GABRB2: variants seen among roughly 807,000 people sequenced by gnomAD.
The protein encoded by GABRB2 is gamma-aminobutyric acid type A receptor subunit beta2.
Under a neutral mutation model 54.7 loss-of-function variants are expected in GABRB2, and 16 were observed. That is an observed-to-expected ratio of 0.29 (90% CI 0.20 to 0.44). The LOEUF (loss-of-function observed/expected upper bound fraction) is 0.44, where lower values mean the gene tolerates loss of function less well. Ranked by LOEUF, GABRB2 falls within the 20% of genes least tolerant of loss-of-function variation. The probability of loss-of-function intolerance (pLI) is 1.00; values close to 1 mark genes in which losing one functional copy is unlikely to be tolerated. For missense variants in GABRB2, 355 were observed against 644.0 expected, an observed-to-expected ratio of 0.55 and a Z score of 4.86; for synonymous variants, 244 against 233.8, an observed-to-expected ratio of 1.04 and a Z score of -0.40.
rs577008699 is a variant in GABRB2 at position 161,504,348 on chromosome 5, G to A, written c.237+40879C>T. 3.0e-3 allele frequency among the ~76,000 whole-genome samples: 451 copies of A among 152,232 alleles called. 3 individuals carry two copies. The highest frequency in any genetic ancestry group is 5.0e-3 in the Non-Finnish European group (342 of 67,986). ...TTTATGAAAACTAATGTCATTTACT[G>A]TATGTTCTATGACAACAACAGAATC... is the stretch of plus-strand genomic sequence containing the variant. On this transcript the variant is annotated intron_variant, in intron 3 of 9. Transcript: ENST00000393959.
At chr5:161,504,544 C>T (rs942101470) in intron 3 of GABRB2, among the ~76,000 whole-genome samples, 12 of 151,594 alleles carry the variant, frequency 7.9e-5, no homozygotes, top group African/African-American at 2.9e-4. Context: ...TGAAGCACAG[C>T]CAAAAAACTG....
chr5:161,546,036 T>C lies in GABRB2; in HGVS notation c.169+286A>G, dbSNP rs1419875604. ...ATTAACTAAACTTAAGAGGTTTGTG[T>C]CTCAACAAAGCAAAGGCAGGGAAGC... is the stretch of plus-strand genomic sequence containing the variant. On this transcript the variant is annotated intron_variant, in intron 2 of 9. Transcript: ENST00000393959. 2.0e-5 allele frequency among the ~76,000 whole-genome samples: 3 copies of C among 152,184 alleles called. No homozygotes were observed. The South Asian group carries it at 6.2e-4, about 31-fold the overall frequency.
intron 6 of GABRB2, among the ~76,000 whole-genome samples, chr5:161,335,224 G>T (rs1288924380): frequency 6.6e-6 from 1 of 151,914 alleles, no homozygotes; most frequent in Admixed American, 6.6e-5. Context: ...TCTTTCAATT[G>T]TTCCTTAGTA....
intron 5 of GABRB2, among the ~76,000 whole-genome samples, chr5:161,387,409 C>G (rs1055456441): frequency 6.6e-6 from 1 of 152,150 alleles, no homozygotes; most frequent in Admixed American, 6.6e-5. Context: ...CTCTAGTCTT[C>G]TCTGCTGAGA....
chr5:161,378,831 G>A (rs988495588), intron 5 of GABRB2, among the ~76,000 whole-genome samples: 5 of 152,164 alleles, frequency 3.3e-5, no homozygotes, highest in Admixed American at 1.3e-4. Flanking sequence ...AAAAGTGAGA[G>A]CTATTAAAAT....
rs73797591 is a variant in GABRB2 at position 161,373,820 on chromosome 5, A to C, written c.542-37051T>G. Among the ~76,000 whole-genome samples, 667 of 152,276 alleles carry C rather than the reference A, an allele frequency of 4.4e-3. 8 individuals are homozygous for C. Among genetic ancestry groups the C allele is most frequent in the African/African-American group, 0.014 (592 of 41,568 alleles). ...CTTTTCAGAGCACAGCAAAGTCTTT[A>C]TTCTCTAAACCACAGTGCTTCAAGT... On this transcript the variant is annotated intron_variant, in intron 5 of 9. Coordinates refer to ENST00000393959, the MANE Select transcript of GABRB2 (RefSeq NM_001371727.1).
chr5:161,429,489 G>T (rs1757114351), intron 4 of GABRB2, among the ~76,000 whole-genome samples: 1 of 152,024 alleles, frequency 6.6e-6, no homozygotes, highest in African/African-American at 2.4e-5. Flanking sequence ...TAGATACAGT[G>T]TTTAGCCTGG....
chr5:161,295,004 A>G (rs1240031239), intron 9 of GABRB2, among the ~76,000 whole-genome samples: 3 of 152,222 alleles, frequency 2.0e-5, no homozygotes, highest in Non-Finnish European at 4.4e-5. Context: ...TTAAATTTGT[A>G]ATGTCAATAC....
intron 3 of GABRB2, among the ~76,000 whole-genome samples, chr5:161,496,948 C>T (rs1759267941): frequency 6.6e-6 from 1 of 152,074 alleles, no homozygotes; most frequent in South Asian, 2.1e-4. Flanking sequence ...TATAATAAGG[C>T]TGTATTTCCC....
At chr5:161,371,991 A>G (rs556380307) in intron 5 of GABRB2, among the ~76,000 whole-genome samples, 1 of 152,142 alleles carries the variant, frequency 6.6e-6, no homozygotes, top group East Asian at 1.9e-4. Flanking sequence ...CAACCTCCCA[A>G]ACTGTTGGGA....
chr5:161,514,206 C>G (rs1759865260), intron 3 of GABRB2, among the ~76,000 whole-genome samples: 1 of 152,098 alleles, frequency 6.6e-6, no homozygotes, highest in Non-Finnish European at 1.5e-5. Flanking sequence ...AGAGTGCAGA[C>G]ACTCTTCTCC....
At chr5:161,300,553 G>C (rs1757507206) in intron 9 of GABRB2, among the ~76,000 whole-genome samples, 1 of 152,176 alleles carries the variant, frequency 6.6e-6, no homozygotes, top group Non-Finnish European at 1.5e-5. Context: ...GTTGCCTCTA[G>C]CCTGTCTTAA....
rs749857323 is a variant in GABRB2, at chr5:161,545,209, A to G, written c.237+18T>C. On this transcript the variant is annotated intron_variant, in intron 3 of 9. Coordinates refer to ENST00000393959, the MANE Select transcript of GABRB2 (RefSeq NM_001371727.1). ...AACGAAAGTTTGCAAAGAAGTAGTC[A>G]TAAATGTCAATACTCACCATATTGA... 4 of 1,582,510 alleles carry G rather than the reference A, an allele frequency of 2.5e-6. No homozygotes were observed. Among genetic ancestry groups the G allele is most frequent in the Non-Finnish European group, 3.4e-6 (4 of 1,164,606 alleles).
chr5:161,384,089 C>A (rs1185101486), intron 5 of GABRB2, among the ~76,000 whole-genome samples: 2 of 151,978 alleles, frequency 1.3e-5, no homozygotes, highest in Non-Finnish European at 2.9e-5. Flanking sequence ...GTGTATATAC[C>A]CACACATATA....
At chr5:161,350,403 TA>T (rs1173200009) in intron 5 of GABRB2, among the ~76,000 whole-genome samples, 17 of 151,876 alleles carry the variant, frequency 1.1e-4, no homozygotes, top group African/African-American at 4.1e-4. Flanking sequence ...AACAACAAAG[TA>T]ACCAAAAAAG....
intron 4 of GABRB2, among the ~76,000 whole-genome samples, chr5:161,412,475 GTC>G (rs544781230): frequency 5.7e-4 from 87 of 152,100 alleles, no homozygotes; most frequent in African/African-American, 2.0e-3. Flanking sequence ...CAGGAGCTTG[GTC>G]TCCCAGCCAC....
intron 5 of GABRB2, among the ~76,000 whole-genome samples, chr5:161,374,244 C>T (rs559187396): frequency 6.6e-6 from 1 of 152,182 alleles, no homozygotes; most frequent in South Asian, 2.1e-4. Flanking sequence ...ACGCCTGGCC[C>T]CAGTCTTCTC....
rs546672906 is a variant in GABRB2 at position 161,537,537 on chromosome 5, C to A, written c.237+7690G>T. 6.6e-5 allele frequency among the ~76,000 whole-genome samples: 10 copies of A among 152,302 alleles called. No individual in the cohort carries two copies. The South Asian group carries it at 2.1e-3, about 32-fold the overall frequency. On this transcript the variant is annotated intron_variant, in intron 3 of 9. Coordinates refer to ENST00000393959, the MANE Select transcript of GABRB2 (RefSeq NM_001371727.1). ...TGAGAATCATGGGATTCACCAAGTCCTGTCACTTTCATCTTATAAACACAA... is the reference window on the plus strand; with the variant it reads ...TGAGAATCATGGGATTCACCAAGTCATGTCACTTTCATCTTATAAACACAA...
intron 5 of GABRB2, among the ~76,000 whole-genome samples, chr5:161,385,282 T>G (rs1755589725): frequency 6.6e-6 from 1 of 152,198 alleles, no homozygotes; most frequent in Non-Finnish European, 1.5e-5. Context: ...ATCAATCATT[T>G]TTGAAGTGTT....
Sources: allele counts gnomAD v4.1 joint callset (sites outside exome capture counted in the v4.1 genomes callset), GRCh38; gene constraint gnomAD v4.1.1; transcripts MANE v1.5; gene names NCBI Gene and HGNC (gene_info 2026-07-23, HGNC 2026-07-21).